FABP5: variants seen among roughly 807,000 people sequenced by gnomAD.
The protein encoded by FABP5 is fatty acid binding protein 5, also known as fatty acid-binding protein 5.
FABP5 carries 7 observed loss-of-function variants against 16.9 expected under a neutral mutation model. That is an observed-to-expected ratio of 0.41 (90% CI 0.24 to 0.78). The LOEUF (loss-of-function observed/expected upper bound fraction) is 0.78. Ranked by LOEUF, FABP5 falls within the 30% of genes least tolerant of loss-of-function variation. FABP5 has a pLI of 0.30. For synonymous variants in FABP5, 37 were observed against 52.8 expected, an observed-to-expected ratio of 0.70 and a Z score of 1.30; for missense variants, 119 against 159.5, an observed-to-expected ratio of 0.75 and a Z score of 1.37.
At position 81,283,951 on chromosome 8, in the gene FABP5, T is replaced by C. The variant is rs431905490; in HGVS notation, c.331T>C (p.Leu111=). 77 of 1,609,834 alleles carry C rather than the reference T, an allele frequency of 4.8e-5. 1 individual carries two copies. The East Asian group carries it at 5.8e-4, about 12-fold the overall frequency. The change falls in exon 3 of 4, where the codon TTG becomes CTG. Residue 111 remains leucine, a synonymous_variant. Transcript: ENST00000297258. ...GAAGGAAAGCACAATAACAAGAAAA[T>C]TGAAAGATGGGAAATTAGTGGTGGT... ...DGKESTITRK[L]KDGKLVVECV... is the part of the protein sequence containing the mutation.
At chr8:81,280,934 A>G (rs1025604020) in intron 1 of FABP5, 4 of 466,906 alleles carry the variant, frequency 8.6e-6, no homozygotes, top group African/African-American at 4.1e-5. Context: ...CCCGTGGTCC[A>G]CCTACCTCTG....
rs903615151 is a variant in FABP5, at chr8:81,280,564, C to A, written c.-32C>A. The A allele has an allele frequency of 1.3e-6, 2 of 1,546,338 alleles. No individual in the cohort carries two copies. Among genetic ancestry groups the A allele is most frequent in the African/African-American group, 2.7e-5 (2 of 72,802 alleles). ...GCACGCTGCCACGCCGACGCAGACCCCTCTCTGCACGCCAGCCCGCCCGCA... is the reference window on the plus strand; with the variant it reads ...GCACGCTGCCACGCCGACGCAGACCACTCTCTGCACGCCAGCCCGCCCGCA... On this transcript the variant is annotated 5_prime_UTR_variant, in exon 1 of 4. Coordinates refer to ENST00000297258, the MANE Select transcript of FABP5 (RefSeq NM_001444.3).
chr8:81,283,115 C>T (rs536447439), intron 1 of FABP5: 6 of 328,424 alleles, frequency 1.8e-5, no homozygotes, highest in East Asian at 1.5e-4. Flanking sequence ...AAGTTACTTC[C>T]GTGCCTCGCT....
chr8:81,282,449 A>G (rs1358780810), intron 1 of FABP5, among the ~76,000 whole-genome samples: 1 of 152,174 alleles, frequency 6.6e-6, no homozygotes, highest in Non-Finnish European at 1.5e-5. Flanking sequence ...GGGAACTTTA[A>G]AGCCTGGCTG....
intron 1 of FABP5, chr8:81,280,940 C>T (rs1251554648): frequency 1.1e-5 from 5 of 452,014 alleles, no homozygotes; most frequent in African/African-American, 8.2e-5. Context: ...GTCCACCTAC[C>T]TCTGCTTCTT....
intron 1 of FABP5, among the ~76,000 whole-genome samples, chr8:81,282,007 C>G (rs894444681): frequency 1.3e-5 from 2 of 152,110 alleles, no homozygotes; most frequent in African/African-American, 4.8e-5. Context: ...CTTCAGTACC[C>G]TTTATCCAAG....
In FABP5 at chr8:81,281,437, C is replaced by A. The variant is rs545043443; in HGVS notation, c.79+763C>A. 1.2e-4 allele frequency: 118 copies of A among 985,892 alleles called. No homozygotes were observed. Among genetic ancestry groups the A allele is most frequent in the African/African-American group, 1.1e-3 (61 of 57,242 alleles). 61.1% of individuals were successfully genotyped at this position (985,892 alleles called of 1,614,324 possible). ...TGCTGCTGGCACTGCCGGGCCGGGG[C>A]GCCGCAGTGGGCGGGTGGCCTGTGG... On this transcript the variant is annotated intron_variant, in intron 1 of 3. Transcript: ENST00000297258. This position sits in a 1 kb window ranked among gnomAD's most constrained non-coding sequence, Gnocchi z 4.5.
Position 81,281,935 on chromosome 8 carries a change from G to A in FABP5, c.79+1261G>A, listed in dbSNP as rs1406782637. On this transcript the variant is annotated intron_variant, in intron 1 of 3. Transcript: ENST00000297258. The surrounding 1 kb of genome is among the most constrained non-coding windows in gnomAD (Gnocchi z 4.5). ...ACAAATGTTAACCCGGTTGCTCGCTGGTGAAATAACTACCGTGACCCTCTA... is the reference window on the plus strand; with the variant it reads ...ACAAATGTTAACCCGGTTGCTCGCTAGTGAAATAACTACCGTGACCCTCTA... Among the ~76,000 whole-genome samples, 1 of 152,090 alleles carries A rather than the reference G, an allele frequency of 6.6e-6. No homozygotes were observed. The highest frequency in any genetic ancestry group is 1.5e-5 in the Non-Finnish European group (1 of 68,010).
chr8:81,283,538 G>A lies in FABP5; in HGVS notation c.252G>A (p.Gln84=). 6.2e-7 allele frequency: 1 copy of A among 1,609,668 alleles called. No individual in the cohort carries two copies. Among genetic ancestry groups the A allele is most frequent in the Non-Finnish European group, 8.5e-7 (1 of 1,178,706 alleles). ...CCACAGCTGATGGCAGAAAAACTCA[G>A]GTCAGTCGTGACATGTTATGAAATC... The part of the protein sequence containing the change: ...EETTADGRKT[Q]TVCNFTDGAL... The change falls in exon 2 of 4, where the codon CAG becomes CAA. Residue 84 remains glutamine, a splice_region_variant and synonymous_variant. Coordinates refer to ENST00000297258, the MANE Select transcript of FABP5 (RefSeq NM_001444.3).
At chr8:81,283,598 A>G in intron 2 of FABP5, 60 bp downstream of exon 2, 1 of 1,483,962 alleles carries the variant, frequency 6.7e-7, no homozygotes, top group Non-Finnish European at 9.1e-7. Context: ...TGTATCAATA[A>G]CATTTTACTG....
At position 81,283,863 on chromosome 8, in the gene FABP5, G is replaced by C. The variant is rs1807871471; in HGVS notation, c.253-10G>C. ...CTTGGAAGATTAAAACGTTTACTTT[G>C]TTTTTGCAGACTGTCTGCAACTTTA... On this transcript the variant is annotated splice_polypyrimidine_tract_variant and intron_variant, in intron 2 of 3. Coordinates refer to ENST00000297258, the MANE Select transcript of FABP5 (RefSeq NM_001444.3). The C allele has an allele frequency of 6.2e-7, 1 of 1,606,022 alleles. No homozygotes were observed. Among genetic ancestry groups the C allele is most frequent in the South Asian group, 1.1e-5 (1 of 90,064 alleles).
chr8:81,281,788 CCTTTGTCA>C lies in FABP5; in HGVS notation c.79+1116_79+1123del. 2 of 559,706 alleles carry C rather than the reference CCTTTGTCA, an allele frequency of 3.6e-6. No homozygotes were observed. Among genetic ancestry groups the C allele is most frequent in the Non-Finnish European group, 4.5e-6 (2 of 441,358 alleles). The allele number at this position is 559,706 out of a possible 1,614,324, so 34.7% of individuals were successfully genotyped here. A position where few individuals can be genotyped will look rare whatever the true frequency, so the allele number is the denominator to read the frequency against. Reference sequence around the variant, plus strand: ...TGGATAAATTGCAAACAAAAATGGACCTTTGTCACAGGCCACTAGGAAGTGAGATGGAG... The same window carrying C: ...TGGATAAATTGCAAACAAAAATGGACCAGGCCACTAGGAAGTGAGATGGAG... On this transcript the variant is annotated intron_variant, in intron 1 of 3. Transcript: ENST00000297258. This position sits in a 1 kb window ranked among gnomAD's most constrained non-coding sequence, Gnocchi z 4.5.
intron 1 of FABP5, chr8:81,280,881 C>T: frequency 1.9e-6 from 1 of 531,004 alleles, no homozygotes; most frequent in Admixed American, 3.3e-5. Flanking sequence ...GCGTGCGCGC[C>T]TCTTGCCCGC....
rs180914102 is a variant in FABP5, at chr8:81,281,363, C to T, written c.79+689C>T. The T allele has an allele frequency of 2.5e-3, 2,456 of 985,610 alleles. 3 individuals are homozygous for T. Among genetic ancestry groups the T allele is most frequent in the Non-Finnish European group, 2.8e-3 (2,359 of 830,114 alleles). 61.1% of individuals were successfully genotyped at this position (985,610 alleles called of 1,614,324 possible). On this transcript the variant is annotated intron_variant, in intron 1 of 3. Transcript: ENST00000297258. The surrounding 1 kb of genome is among the most constrained non-coding windows in gnomAD (Gnocchi z 4.5). ...GAGCCGAACCCTTTGGATTGGTACC[C>T]CATGGAACACCAGGGCCCCCGAGAA...
intron 3 of FABP5, 78 bp from the exon 4 acceptor site, chr8:81,284,436 G>T: frequency 2.1e-6 from 2 of 949,572 alleles, no homozygotes; most frequent in South Asian, 1.4e-5. Flanking sequence ...GTGGGACTTT[G>T]ATTCTAATGT....
At chr8:81,280,710 C>T (rs974011421) in intron 1 of FABP5, 36 bp downstream of exon 1, 1 of 1,536,348 alleles carries the variant, frequency 6.5e-7, no homozygotes, top group East Asian at 2.4e-5. Flanking sequence ...TGCAACGTGG[C>T]GTGTTGTGCG....
intron 2 of FABP5, 114 bp from the exon 3 acceptor site, chr8:81,283,759 A>T: frequency 1.0e-6 from 1 of 994,866 alleles, no homozygotes; most frequent in Non-Finnish European, 1.5e-6. Context: ...ATATGGGTTA[A>T]TGAAGTAGAC....
chr8:81,280,814 G>C (rs891955565), intron 1 of FABP5, 140 bp downstream of exon 1: 8 of 764,124 alleles, frequency 1.0e-5, no homozygotes, highest in Admixed American at 4.6e-5. Context: ...TCCCCACCAC[G>C]CGGCCGTTGG....
chr8:81,280,608 C>A lies in FABP5; in HGVS notation c.13C>A (p.Gln5Lys), dbSNP rs757285600. ...GCCCGCACCCACCATGGCCACAGTT[C>A]AGCAGCTGGAAGGAAGATGGCGCCT... MATV[Q>K]QLEGRWRLVD... Residue 5 changes from glutamine (Q) to lysine (K), a missense_variant, in exon 1 of 4, where the codon CAG (glutamine) becomes AAG (lysine). Gln to Lys is a moderately conservative substitution (Grantham distance 53). Transcript: ENST00000297258. The A allele has an allele frequency of 1.9e-5, 29 of 1,556,660 alleles. No individual in the cohort carries two copies. The East Asian group carries it at 6.7e-4, about 36-fold the overall frequency.
Sources: allele counts gnomAD v4.1 joint callset (sites outside exome capture counted in the v4.1 genomes callset), GRCh38; gene constraint gnomAD v4.1.1; non-coding constraint Gnocchi (gnomAD v3.1); transcripts MANE v1.5; gene names NCBI Gene and HGNC (gene_info 2026-07-23, HGNC 2026-07-21).